Variants in OPRM1 observed in about 807,000 individuals in gnomAD.
The protein encoded by OPRM1 is opioid receptor mu 1, also known as mu-type opioid receptor.
A neutral mutation model predicts 31.8 loss-of-function variants in OPRM1; 27 were observed. The observed-to-expected ratio is 0.85, with a 90% CI of 0.63 to 1.17. OPRM1 has a LOEUF of 1.17. Among genes scored for constraint, OPRM1 ranks in the 50% most tolerant of loss-of-function variants. OPRM1 has a pLI of 0.00. For missense variants in OPRM1, 536 were observed against 511.1 expected, an observed-to-expected ratio of 1.05 and a Z score of -0.47; for synonymous variants, 196 against 189.9, an observed-to-expected ratio of 1.03 and a Z score of -0.26.
intron 3 of OPRM1, among the ~76,000 whole-genome samples, chr6:154,216,488 T>C (rs752616001): frequency 9.2e-5 from 14 of 152,236 alleles, no homozygotes; most frequent in Non-Finnish European, 1.6e-4. Context: ...ATGTTTAGCC[T>C]GATCCACTGT....
intron 3 of OPRM1, among the ~76,000 whole-genome samples, chr6:154,110,951 A>G (rs1796299341): frequency 6.6e-6 from 1 of 150,640 alleles, no homozygotes; most frequent in African/African-American, 2.4e-5. Context: ...TGATTACACC[A>G]TTCAGACTCC....
At chr6:154,050,303 G>A (rs1218479196) in intron 1 of OPRM1, among the ~76,000 whole-genome samples, 1 of 152,168 alleles carries the variant, frequency 6.6e-6, no homozygotes, top group African/African-American at 2.4e-5. Flanking sequence ...TATGTTTGTT[G>A]CAGCAGCACT....
At chr6:154,095,762 T>C (rs1793264785) in intron 3 of OPRM1, among the ~76,000 whole-genome samples, 1 of 152,196 alleles carries the variant, frequency 6.6e-6, no homozygotes, top group African/African-American at 2.4e-5. Context: ...GTGCCTGATT[T>C]ATGTTCAGCT....
intron 3 of OPRM1, among the ~76,000 whole-genome samples, chr6:154,109,792 C>CTCTCTGTG (rs1358444421): frequency 1.2e-3 from 124 of 101,274 alleles, no homozygotes; most frequent in African/African-American, 4.3e-3. Flanking sequence ...CTCTCTCTCT[C>CTCTCTGTG]TGTGTGTGTG....
intron 1 of OPRM1, among the ~76,000 whole-genome samples, chr6:154,070,513 C>T (rs1023979497): frequency 6.6e-6 from 1 of 152,200 alleles, no homozygotes; most frequent in African/African-American, 2.4e-5. Context: ...TCCAAGTAAA[C>T]TCTTTAGAGC....
At chr6:154,176,664 A>G (rs1800359847) in intron 3 of OPRM1, among the ~76,000 whole-genome samples, 1 of 152,228 alleles carries the variant, frequency 6.6e-6, no homozygotes, top group South Asian at 2.1e-4. Context: ...TCAATGAAAT[A>G]AAAGAGGTCA....
chr6:154,223,066 C>G (rs1778992403), intron 3 of OPRM1: 1 of 888,500 alleles, frequency 1.1e-6, no homozygotes, highest in Non-Finnish European at 1.8e-6. Context: ...TCAGACATTC[C>G]GATGTTACCT....
chr6:154,013,911 G>A (rs114195174), intron 1 of OPRM1, among the ~76,000 whole-genome samples: 6,380 of 152,166 alleles, frequency 0.042, 284 homozygotes, highest in Admixed American at 0.15. Context: ...TCATTCTATT[G>A]GGGAAAGAAA....
At chr6:154,086,389 G>A (rs1435802445) in intron 1 of OPRM1, 4 of 174,164 alleles carry the variant, frequency 2.3e-5, no homozygotes, top group Non-Finnish European at 3.4e-5. Flanking sequence ...CCTATAAAAT[G>A]CCCGTTGAAA....
At chr6:154,149,708 T>C (rs1269758655) in intron 3 of OPRM1, among the ~76,000 whole-genome samples, 1 of 152,032 alleles carries the variant, frequency 6.6e-6, no homozygotes, top group Non-Finnish European at 1.5e-5. Flanking sequence ...ATTATTCTAT[T>C]AGCAATCTCC....
rs774433643 is a variant in OPRM1, at chr6:154,093,652, T to C, written c.1164+2180T>C. The stretch of plus-strand genomic sequence containing the variant: ...CGCTGCCTCTATGAAGCAGTATCAG[T>C]GTAAGATAACAGCAGAAACACATTA... On this transcript the variant is annotated intron_variant, in intron 3 of 3. Transcript: ENST00000330432. The C allele has an allele frequency of 6.1e-6, 6 of 975,722 alleles. No homozygotes were observed. The East Asian group carries it at 1.9e-4, about 30-fold the overall frequency. 60.4% of individuals were successfully genotyped at this position (975,722 alleles called of 1,614,324 possible).
chr6:154,113,321 T>C (rs1440520257), intron 3 of OPRM1, among the ~76,000 whole-genome samples: 2 of 152,174 alleles, frequency 1.3e-5, no homozygotes, highest in African/African-American at 4.8e-5. Context: ...GACAGCCCTC[T>C]TTACCTAGGG....
At chr6:154,227,816 A>G (rs1779378346) in intron 3 of OPRM1, among the ~76,000 whole-genome samples, 1 of 152,220 alleles carries the variant, frequency 6.6e-6, no homozygotes, top group African/African-American at 2.4e-5. Context: ...GAAACAGCTG[A>G]GATTCCCTTA....
In OPRM1 at chr6:154,078,691, C is replaced by T. The variant is rs1389116576; in HGVS notation, c.291-11135C>T. ...TTTGAGACCAGCCTGGGCAACATGG[C>T]AAAACCCCATCTCTCATCTCTACAA... is the stretch of plus-strand genomic sequence containing the variant. On this transcript the variant is annotated intron_variant, in intron 1 of 3. Transcript: ENST00000330432. Among the ~76,000 whole-genome samples, 3 of 152,102 alleles carry T rather than the reference C, an allele frequency of 2.0e-5. No homozygotes were observed. In the South Asian group the frequency reaches 6.2e-4, roughly 32 times the overall value.
At chr6:154,245,761 T>G (rs906730658) in intron 3 of OPRM1, among the ~76,000 whole-genome samples, 5 of 152,174 alleles carry the variant, frequency 3.3e-5, no homozygotes, top group African/African-American at 1.2e-4. Context: ...AGAGCAGCAA[T>G]CAAACCTCAC....
At chr6:154,189,631 G>T (rs991334793) in intron 3 of OPRM1, among the ~76,000 whole-genome samples, 2 of 152,196 alleles carry the variant, frequency 1.3e-5, no homozygotes, top group Non-Finnish European at 2.9e-5. Context: ...GTATTACCCA[G>T]ATTTGATCAT....
chr6:154,135,157 A>G (rs1798023854), downstream of OPRM1, among the ~76,000 whole-genome samples: 1 of 152,226 alleles, frequency 6.6e-6, no homozygotes, highest in South Asian at 2.1e-4. Flanking sequence ...TATTAAGTCT[A>G]TGTACCCATC....
At chr6:154,110,266 G>A (rs1395233452) in intron 3 of OPRM1, 10 of 676,622 alleles carry the variant, frequency 1.5e-5, no homozygotes, top group Non-Finnish European at 2.3e-5. Flanking sequence ...TACCTTTGGG[G>A]TATAAATCAT....
chr6:154,159,964 C>T (rs1438286951), intron 3 of OPRM1: 1 of 1,613,244 alleles, frequency 6.2e-7, no homozygotes, highest in African/African-American at 1.3e-5. Context: ...CATGACTTTC[C>T]ACTCTCTGTA....
Sources: gnomAD v4.1 joint callset for allele counts (sites outside exome capture counted in the v4.1 genomes callset) on GRCh38, gnomAD v4.1.1 for gene constraint, MANE v1.5 for transcripts, NCBI Gene and HGNC (gene_info 2026-07-23, HGNC 2026-07-21) for gene names.